SLC35D2: variants seen among roughly 807,000 people sequenced by gnomAD.
SLC35D2 encodes the protein nucleotide sugar transporter SLC35D2.
A neutral mutation model predicts 41.8 loss-of-function variants in SLC35D2; 43 were observed. The observed-to-expected ratio is 1.03, with a 90% confidence interval of 0.81 to 1.33. The LOEUF (loss-of-function observed/expected upper bound fraction) is 1.33. Among genes scored for constraint, SLC35D2 ranks in the 40% most tolerant of loss-of-function variants. The probability of loss-of-function intolerance (pLI) is 0.00; values close to 1 mark genes in which losing one functional copy is unlikely to be tolerated. For synonymous variants in SLC35D2, 150 were observed against 163.9 expected, an observed-to-expected ratio of 0.92 and a Z score of 0.65; for missense variants, 380 against 408.4, an observed-to-expected ratio of 0.93 and a Z score of 0.60.
At chr9:96,320,125 C>T (rs964000283), downstream of SLC35D2, among the ~76,000 whole-genome samples, 6 of 152,118 alleles carry the variant, frequency 3.9e-5, no homozygotes, top group Admixed American at 6.5e-5. Context: ...CAGGGGTTGG[C>T]GGTAGGTGAG....
chr9:96,329,565 A>G (rs745439937), intron 9 of SLC35D2, among the ~76,000 whole-genome samples: 1 of 152,110 alleles, frequency 6.6e-6, no homozygotes, highest in Non-Finnish European at 1.5e-5. Context: ...TTTCACATCT[A>G]TGATCTTCAA....
intron 4 of SLC35D2, among the ~76,000 whole-genome samples, chr9:96,353,298 C>T: frequency 6.6e-6 from 1 of 151,990 alleles, no homozygotes; most frequent in East Asian, 1.9e-4. Flanking sequence ...GTAGGATCTA[C>T]AACTGTAACA....
chr9:96,333,351 C>G (rs1382485295), intron 9 of SLC35D2, among the ~76,000 whole-genome samples: 2 of 151,424 alleles, frequency 1.3e-5, no homozygotes, highest in African/African-American at 4.8e-5. Context: ...AATCCCAGCT[C>G]TTTGGGAGGC....
Position 96,321,118 on chromosome 9 carries a change from C to A in SLC35D2, c.*124G>T. The A allele has an allele frequency of 3.0e-6, 2 of 675,406 alleles. No individual in the cohort carries two copies. The highest frequency in any genetic ancestry group is 5.2e-5 in the Admixed American group (2 of 38,498). The allele number at this position is 675,406 out of a possible 1,614,324, so 41.8% of individuals were successfully genotyped here. Reference sequence around the variant, plus strand: ...ATGAGGTAGTTCTCTTTGCATTTTGCAGATGCTCTCACTTGCCCAGGGGGT... The same window carrying A: ...ATGAGGTAGTTCTCTTTGCATTTTGAAGATGCTCTCACTTGCCCAGGGGGT... On this transcript the variant is annotated 3_prime_UTR_variant, in exon 12 of 12. Transcript: ENST00000253270.
At chr9:96,331,612 C>A (rs889840854) in intron 9 of SLC35D2, among the ~76,000 whole-genome samples, 2 of 151,892 alleles carry the variant, frequency 1.3e-5, no homozygotes, top group Non-Finnish European at 2.9e-5. Context: ...ATTTGTGTTT[C>A]TTTTTCCCCA....
chr9:96,347,046 G>A (rs1357110875), intron 6 of SLC35D2, among the ~76,000 whole-genome samples: 1 of 152,200 alleles, frequency 6.6e-6, no homozygotes, highest in African/African-American at 2.4e-5. Context: ...TGAGGCAGGA[G>A]AATCACTTGA....
At chr9:96,378,660 C>A (rs758725651) in intron 1 of SLC35D2, among the ~76,000 whole-genome samples, 3 of 152,032 alleles carry the variant, frequency 2.0e-5, no homozygotes, top group Non-Finnish European at 2.9e-5. Flanking sequence ...AATCTCAGCA[C>A]TTTGGGAGGC....
intron 8 of SLC35D2, among the ~76,000 whole-genome samples, chr9:96,341,253 C>T (rs1227718694): frequency 6.6e-6 from 1 of 152,100 alleles, no homozygotes; most frequent in Non-Finnish European, 1.5e-5. Context: ...TGCCACTGCA[C>T]TCCAGCCTGG....
In SLC35D2 at chr9:96,352,123, A is replaced by C. The variant is rs1250405253; in HGVS notation, c.348-14T>G. ...AACATCGGTAGGCTGCCAGGAAAAG[A>C]GTGAAGCATGTCAGACACCAAGGGT... On this transcript the variant is annotated splice_polypyrimidine_tract_variant and intron_variant, in intron 4 of 11. Coordinates refer to ENST00000253270, the MANE Select transcript of SLC35D2 (RefSeq NM_007001.3). 1.3e-6 allele frequency: 2 copies of C among 1,597,644 alleles called. No individual in the cohort carries two copies. Among genetic ancestry groups the C allele is most frequent in the Admixed American group, 1.7e-5 (1 of 59,396 alleles).
rs552744409 is a variant in SLC35D2 at position 96,357,221 on chromosome 9, T to C, written c.347+2933A>G. Among the ~76,000 whole-genome samples the C allele has an allele frequency of 1.3e-4, 20 of 152,272 alleles. No homozygotes were observed. In the South Asian group the frequency reaches 4.1e-3, roughly 32 times the overall value. ...TAAAGATGATATACAATCAATAGAA[T>C]ACATTCTTAAAATTATGATCAACTG... On this transcript the variant is annotated intron_variant, in intron 4 of 11. Transcript: ENST00000253270.
downstream of SLC35D2, among the ~76,000 whole-genome samples, chr9:96,316,704 C>T (rs1179128038): frequency 6.6e-6 from 1 of 152,126 alleles, no homozygotes; most frequent in Non-Finnish European, 1.5e-5. Flanking sequence ...ACGACTTTGG[C>T]CTGGAGGTGC....
chr9:96,381,080 T>G (rs1041751510), intron 1 of SLC35D2, among the ~76,000 whole-genome samples: 2 of 152,256 alleles, frequency 1.3e-5, no homozygotes, highest in African/African-American at 4.8e-5. Context: ...CTGATGCCAG[T>G]ACTGTCAGTT....
intron 1 of SLC35D2, 94 bp from the exon 2 acceptor site, chr9:96,368,399 G>T: frequency 4.3e-6 from 4 of 928,766 alleles, no homozygotes; most frequent in South Asian, 1.7e-5. Flanking sequence ...AACAATCTGA[G>T]AAAATGAAAA....
chr9:96,365,974 T>C (rs1328314565), intron 2 of SLC35D2, among the ~76,000 whole-genome samples: 1 of 152,200 alleles, frequency 6.6e-6, no homozygotes, highest in African/African-American at 2.4e-5. Context: ...TAACTGTACT[T>C]TGTACTTACG....
chr9:96,340,996 GTA>G (rs1473436885), intron 8 of SLC35D2, among the ~76,000 whole-genome samples: 1 of 152,078 alleles, frequency 6.6e-6, no homozygotes, highest in Admixed American at 6.6e-5. Context: ...ATTTAATAAA[GTA>G]TATGTTAGCT....
chr9:96,322,716 G>GGTTTTT (rs1828299651), intron 10 of SLC35D2, among the ~76,000 whole-genome samples: 1 of 92,256 alleles, frequency 1.1e-5, no homozygotes, highest in Non-Finnish European at 2.0e-5. Context: ...GGTTTTCTGG[G>GGTTTTT]GTTTTTTTTT....
chr9:96,349,151 C>T (rs925377379), intron 6 of SLC35D2, among the ~76,000 whole-genome samples: 2 of 152,158 alleles, frequency 1.3e-5, no homozygotes, highest in Non-Finnish European at 2.9e-5. Flanking sequence ...ACTCCCTTTT[C>T]AATCTTAAAA....
intron 1 of SLC35D2, among the ~76,000 whole-genome samples, chr9:96,374,512 G>C (rs1278111591): frequency 8.0e-5 from 10 of 125,212 alleles, no homozygotes; most frequent in Non-Finnish European, 1.5e-4. Context: ...CCAGCCTGGC[G>C]ACAAAGCGAG....
intron 9 of SLC35D2, among the ~76,000 whole-genome samples, chr9:96,328,787 C>T (rs896500925): frequency 1.3e-5 from 2 of 152,144 alleles, no homozygotes; most frequent in African/African-American, 2.4e-5. Flanking sequence ...CACAATGGTA[C>T]CCAAGCACAT....
Sources: gnomAD v4.1 joint callset for allele counts (sites outside exome capture counted in the v4.1 genomes callset) on GRCh38, gnomAD v4.1.1 for gene constraint, MANE v1.5 for transcripts, NCBI Gene and HGNC (gene_info 2026-07-23, HGNC 2026-07-21) for gene names.